Variants in SPECC1L observed in about 807,000 individuals in gnomAD.
SPECC1L encodes cytospin-A.
SPECC1L carries 40 observed loss-of-function variants against 116.8 expected under a neutral mutation model. The ratio of observed to expected loss-of-function variants is 0.34; its 90% confidence interval spans 0.27 to 0.45. The LOEUF is 0.45. SPECC1L is among the 20% of genes least tolerant of loss of function. SPECC1L has a pLI of 1.00. For synonymous variants in SPECC1L, 504 were observed against 500.6 expected, an observed-to-expected ratio of 1.01 and a Z score of -0.09; for missense variants, 1,110 against 1,373.6, an observed-to-expected ratio of 0.81 and a Z score of 3.03.
In SPECC1L at chr22:24,334,583, T is replaced by G; in HGVS notation, c.2560+10T>G. The G allele has an allele frequency of 6.2e-7, 1 of 1,614,018 alleles. No individual in the cohort carries two copies. ...GACAGTGCATCTCAAGGTAATTAAT[T>G]TCTCCTACATTGTGCCTACTGCATG... On this transcript the variant is annotated intron_variant, in intron 9 of 16. Coordinates refer to ENST00000314328, the MANE Select transcript of SPECC1L (RefSeq NM_015330.6).
intron 4 of SPECC1L, among the ~76,000 whole-genome samples, chr22:24,317,018 G>A (rs1365970289): frequency 8.3e-6 from 1 of 120,844 alleles, no homozygotes; most frequent in Non-Finnish European, 1.9e-5. Context: ...TGGACGGGGC[G>A]GCTGGCCGGG....
At chr22:24,320,738 A>G (rs1397499085) in intron 4 of SPECC1L, among the ~76,000 whole-genome samples, 1 of 152,232 alleles carries the variant, frequency 6.6e-6, no homozygotes, top group Non-Finnish European at 1.5e-5. Flanking sequence ...GTGGCATTTT[A>G]TGGTGTTAAA....
At chr22:24,317,398 C>A (rs1490835274) in intron 4 of SPECC1L, among the ~76,000 whole-genome samples, 2 of 118,862 alleles carry the variant, frequency 1.7e-5, no homozygotes, top group Admixed American at 8.6e-5. Context: ...CGGGCAGAGG[C>A]GCCCCTCACC....
At chr22:24,324,564 A>C in intron 6 of SPECC1L, 137 bp downstream of exon 6, 1 of 797,358 alleles carries the variant, frequency 1.3e-6, no homozygotes, top group Non-Finnish European at 2.1e-6. Context: ...TTCAAAACCG[A>C]ACCAGGCTGG....
At chr22:24,332,745 T>A (rs777931068) in intron 8 of SPECC1L, among the ~76,000 whole-genome samples, 13 of 152,134 alleles carry the variant, frequency 8.5e-5, no homozygotes, top group Non-Finnish European at 1.0e-4. Flanking sequence ...TTATTTTTCA[T>A]AAAAATATAT....
At chr22:24,341,678 C>T (rs766169440) in intron 10 of SPECC1L, among the ~76,000 whole-genome samples, 7 of 152,270 alleles carry the variant, frequency 4.6e-5, no homozygotes, top group Non-Finnish European at 7.4e-5. Flanking sequence ...GGCTGCAGCT[C>T]GTGATTTGCT....
intron 8 of SPECC1L, among the ~76,000 whole-genome samples, chr22:24,333,206 A>C (rs1052892392): frequency 6.6e-6 from 1 of 152,206 alleles, no homozygotes; most frequent in African/African-American, 2.4e-5. Flanking sequence ...CAGCCTGGAC[A>C]ACAAGAGCGA....
At chr22:24,336,408 C>T (rs1223982485) in intron 9 of SPECC1L, among the ~76,000 whole-genome samples, 2 of 151,960 alleles carry the variant, frequency 1.3e-5, no homozygotes, top group African/African-American at 4.8e-5. Context: ...GTGGCCACCT[C>T]TGGGTAATAT....
At chr22:24,325,781 A>C (rs1051111460) in intron 6 of SPECC1L, among the ~76,000 whole-genome samples, 2 of 152,176 alleles carry the variant, frequency 1.3e-5, no homozygotes, top group African/African-American at 4.8e-5. Context: ...TCAAAATGCC[A>C]AATGTTAAAA....
intron 1 of SPECC1L, among the ~76,000 whole-genome samples, chr22:24,275,763 T>G (rs564689805): frequency 6.6e-6 from 1 of 152,330 alleles, no homozygotes; most frequent in East Asian, 1.9e-4. Flanking sequence ...TCACCCAGGC[T>G]GGAGAGGTGA....
Position 24,347,181 on chromosome 22 carries a change from G to A in SPECC1L, c.2743+5G>A, listed in dbSNP as rs201494432. ...ATGGGGAAATCCCTGTTCAAGGTACGTGTAATATGCCATAGCATTTCACCT... is the reference window on the plus strand; with the variant it reads ...ATGGGGAAATCCCTGTTCAAGGTACATGTAATATGCCATAGCATTTCACCT... On this transcript the variant is annotated splice_donor_5th_base_variant and intron_variant, in intron 11 of 16. Coordinates refer to ENST00000314328, the MANE Select transcript of SPECC1L (RefSeq NM_015330.6). 1.8e-5 allele frequency: 29 copies of A among 1,604,058 alleles called. No homozygotes were observed. Among genetic ancestry groups the A allele is most frequent in the East Asian group, 8.9e-5 (4 of 44,796 alleles).
At chr22:24,350,894 G>A (rs1414710857) in intron 11 of SPECC1L, among the ~76,000 whole-genome samples, 4 of 152,188 alleles carry the variant, frequency 2.6e-5, no homozygotes, top group Non-Finnish European at 5.9e-5. Flanking sequence ...TGGTGTGGCT[G>A]CAAGCCTGAG....
intron 3 of SPECC1L, among the ~76,000 whole-genome samples, chr22:24,306,663 G>T (rs2049504475): frequency 6.6e-6 from 1 of 152,164 alleles, no homozygotes; most frequent in South Asian, 2.1e-4. Flanking sequence ...GAGCCACTGT[G>T]CCCAACCATC....
intron 14 of SPECC1L, among the ~76,000 whole-genome samples, chr22:24,385,900 A>G (rs1408085635): frequency 3.3e-5 from 5 of 152,208 alleles, no homozygotes; most frequent in African/African-American, 1.2e-4. Flanking sequence ...CTTTGTCCTG[A>G]CTGAGCTATA....
At chr22:24,402,067 G>C (rs911048128) in intron 14 of SPECC1L, among the ~76,000 whole-genome samples, 3 of 146,172 alleles carry the variant, frequency 2.1e-5, no homozygotes, top group African/African-American at 7.4e-5. Context: ...TCCATGATGA[G>C]CCAGGCAAGA....
chr22:24,273,605 GA>G, intron 1 of SPECC1L, among the ~76,000 whole-genome samples: 1 of 152,274 alleles, frequency 6.6e-6, no homozygotes, highest in African/African-American at 2.4e-5. Flanking sequence ...TTGCTGTTAA[GA>G]AGATTCAAAT....
At chr22:24,397,776 G>T (rs2042396032) in intron 14 of SPECC1L, among the ~76,000 whole-genome samples, 1 of 152,010 alleles carries the variant, frequency 6.6e-6, no homozygotes, top group Non-Finnish European at 1.5e-5. Flanking sequence ...CTCATTTTTA[G>T]AAGTGAAGCC....
chr22:24,364,668 A>C (rs995578581), intron 12 of SPECC1L, among the ~76,000 whole-genome samples: 3 of 151,892 alleles, frequency 2.0e-5, no homozygotes, highest in African/African-American at 7.2e-5. Context: ...TCTCAAAAAA[A>C]AAAAAAAAAA....
intron 2 of SPECC1L, among the ~76,000 whole-genome samples, chr22:24,287,223 A>G (rs2049059895): frequency 1.3e-5 from 2 of 152,328 alleles, no homozygotes; most frequent in South Asian, 4.1e-4. Context: ...CTATGTGTGC[A>G]CGTAAAATGG....
Sources: allele counts gnomAD v4.1 joint callset (sites outside exome capture counted in the v4.1 genomes callset), GRCh38; gene constraint gnomAD v4.1.1; transcripts MANE v1.5; gene names NCBI Gene and HGNC (gene_info 2026-07-23, HGNC 2026-07-21).